ZBTB46: variants seen among roughly 807,000 people sequenced by gnomAD.
The protein encoded by ZBTB46 is zinc finger and BTB domain-containing protein 46.
A neutral mutation model predicts 44.1 loss-of-function variants in ZBTB46; 8 were observed. That is an observed-to-expected ratio of 0.18 (90% CI 0.11 to 0.33). The LOEUF (loss-of-function observed/expected upper bound fraction) is 0.33, where lower values mean the gene tolerates loss of function less well. Ranked by LOEUF, ZBTB46 falls within the 10% of genes least tolerant of loss-of-function variation. The pLI is 1.00. For missense variants in ZBTB46, 651 were observed against 847.7 expected, an observed-to-expected ratio of 0.77 and a Z score of 2.88; for synonymous variants, 409 against 382.3, an observed-to-expected ratio of 1.07 and a Z score of -0.81.
chr20:63,805,471 G>GAAA (rs1183219851), intron 1 of ZBTB46, among the ~76,000 whole-genome samples: 1 of 150,100 alleles, frequency 6.7e-6, no homozygotes, highest in South Asian at 2.1e-4. Context: ...ATCTCTAAAG[G>GAAA]AAAAAAAAAG....
At chr20:63,810,987 G>C (rs2092714446) in intron 1 of ZBTB46, among the ~76,000 whole-genome samples, 1 of 152,216 alleles carries the variant, frequency 6.6e-6, no homozygotes, top group Non-Finnish European at 1.5e-5. Context: ...AGCTCCAGCG[G>C]CAGAGCCGGA....
At chr20:63,815,219 C>T (rs1038864841) in intron 1 of ZBTB46, 2 of 226,420 alleles carry the variant, frequency 8.8e-6, no homozygotes, top group Admixed American at 6.0e-5. Context: ...GGCACGAGTG[C>T]AAGTGCAGTG....
At chr20:63,773,373 C>G (rs1445783279) in intron 3 of ZBTB46, among the ~76,000 whole-genome samples, 4 of 152,022 alleles carry the variant, frequency 2.6e-5, no homozygotes, top group Non-Finnish European at 5.9e-5. Flanking sequence ...GGACTACGGG[C>G]ACAAGGCACC....
intron 3 of ZBTB46, among the ~76,000 whole-genome samples, chr20:63,760,215 A>G (rs73319795): frequency 0.026 from 3,922 of 152,276 alleles, 146 homozygotes; most frequent in African/African-American, 0.089. Context: ...TTAAAATTGG[A>G]AAGAATTCAC....
intron 1 of ZBTB46, among the ~76,000 whole-genome samples, chr20:63,817,450 C>G (rs1363863753): frequency 6.6e-6 from 1 of 151,790 alleles, no homozygotes; most frequent in Non-Finnish European, 1.5e-5. Flanking sequence ...TGCAGTGGCT[C>G]AGGCTTGTAA....
intron 1 of ZBTB46, among the ~76,000 whole-genome samples, chr20:63,820,000 T>A (rs867385910): frequency 6.6e-6 from 1 of 152,194 alleles, no homozygotes; most frequent in African/African-American, 2.4e-5. Flanking sequence ...ACATAACCAT[T>A]TCCTCAGGCA....
At chr20:63,774,048 ACCCCCCGCCCC>A (rs2092399289) in intron 3 of ZBTB46, among the ~76,000 whole-genome samples, 2 of 5,244 alleles carry the variant, frequency 3.8e-4, no homozygotes, top group Non-Finnish European at 7.3e-4. Flanking sequence ...TGTAAGTGGC[ACCCCCCGCCCC>A]CCCCCCCCCC....
intron 1 of ZBTB46, among the ~76,000 whole-genome samples, chr20:63,818,055 AC>A (rs2092770220): frequency 6.6e-6 from 1 of 152,214 alleles, no homozygotes; most frequent in Admixed American, 6.5e-5. Context: ...ACTGCACGGC[AC>A]CACGCTCTGA....
At chr20:63,831,991 C>G (rs1040705135), upstream of ZBTB46, among the ~76,000 whole-genome samples, 6 of 152,060 alleles carry the variant, frequency 3.9e-5, no homozygotes, top group African/African-American at 1.4e-4. Context: ...GCACCTCGGG[C>G]GCAGGCCTCG....
At chr20:63,759,332 G>A (rs1327363167) in intron 3 of ZBTB46, among the ~76,000 whole-genome samples, 1 of 152,084 alleles carries the variant, frequency 6.6e-6, no homozygotes, top group East Asian at 1.9e-4. Context: ...TGTTCTATAT[G>A]CATAGTCATG....
intron 3 of ZBTB46, chr20:63,769,332 G>A (rs1417625616): frequency 4.1e-6 from 4 of 985,328 alleles, no homozygotes; most frequent in Non-Finnish European, 4.8e-6. Flanking sequence ...GAGGGTGGAG[G>A]GTGGAGGGGC....
chr20:63,775,530 G>A lies in ZBTB46; in HGVS notation c.1222+148C>T, dbSNP rs551982286. The A allele has an allele frequency of 3.5e-5, 38 of 1,073,732 alleles. No individual in the cohort carries two copies. In the South Asian group the frequency reaches 5.0e-4, roughly 14 times the overall value. The allele number at this position is 1,073,732 out of a possible 1,614,324, so 66.5% of individuals were successfully genotyped here. On this transcript the variant is annotated intron_variant, in intron 3 of 4. Transcript: ENST00000245663. Reference sequence around the variant, plus strand: ...AGAGGCCAGTCCAGGCTGTGACGCCGCATCCTCACCTCCCGCAACAGGGAG... The same window carrying A: ...AGAGGCCAGTCCAGGCTGTGACGCCACATCCTCACCTCCCGCAACAGGGAG...
At chr20:63,822,956 T>A (rs1040059656) in intron 1 of ZBTB46, among the ~76,000 whole-genome samples, 1 of 151,434 alleles carries the variant, frequency 6.6e-6, no homozygotes, top group Non-Finnish European at 1.5e-5. Context: ...AGCTCAGGAG[T>A]TCGAGACCAG....
chr20:63,824,573 C>A (rs1263317053), intron 1 of ZBTB46, among the ~76,000 whole-genome samples: 1 of 152,132 alleles, frequency 6.6e-6, no homozygotes, highest in African/African-American at 2.4e-5. Context: ...CTCAGAGGTT[C>A]TAATCCCACC....
At chr20:63,770,459 G>A (rs1258004795) in intron 3 of ZBTB46, among the ~76,000 whole-genome samples, 1 of 152,216 alleles carries the variant, frequency 6.6e-6, no homozygotes, top group Non-Finnish European at 1.5e-5. Context: ...GTCAGAGATT[G>A]ATGGTCTAGT....
Position 63,775,982 on chromosome 20 carries a change from C to G in ZBTB46, c.938-20G>C. ...CCGCATCTGGGGACAGAGGGACACA[C>G]GTCAGAAGACACGGGTCGTTCCCAG... On this transcript the variant is annotated intron_variant, in intron 2 of 4. Coordinates refer to ENST00000245663, the MANE Select transcript of ZBTB46 (RefSeq NM_001369741.1). 1 of 1,523,702 alleles carries G rather than the reference C, an allele frequency of 6.6e-7. No homozygotes were observed. Among genetic ancestry groups the G allele is most frequent in the South Asian group, 1.3e-5 (1 of 79,132 alleles). 94.4% of individuals were successfully genotyped at this position (1,523,702 alleles called of 1,614,324 possible).
chr20:63,772,755 A>C (rs2092387049), intron 3 of ZBTB46, among the ~76,000 whole-genome samples: 3 of 59,174 alleles, frequency 5.1e-5, no homozygotes, highest in Admixed American at 3.2e-4. Flanking sequence ...ACACACACAC[A>C]CACACACACA....
chr20:63,783,903 G>C (rs972058355), intron 2 of ZBTB46, among the ~76,000 whole-genome samples: 10 of 152,208 alleles, frequency 6.6e-5, no homozygotes, highest in African/African-American at 2.4e-4. Flanking sequence ...TGTGAAAGGT[G>C]TTCAGGAGGC....
intron 3 of ZBTB46, among the ~76,000 whole-genome samples, chr20:63,773,425 C>T (rs1438247337): frequency 2.0e-5 from 3 of 152,052 alleles, no homozygotes; most frequent in East Asian, 1.9e-4. Flanking sequence ...GGTTTCCCCA[C>T]GTTGCCCAGG....
Sources: allele counts gnomAD v4.1 joint callset (sites outside exome capture counted in the v4.1 genomes callset), GRCh38; gene constraint gnomAD v4.1.1; transcripts MANE v1.5; gene names NCBI Gene and HGNC (gene_info 2026-07-23, HGNC 2026-07-21).